The following RGS18 variants were observed in gnomAD, a reference collection of about 807,000 sequenced individuals.
The protein encoded by RGS18 is regulator of G protein signaling 18, also known as regulator of G-protein signaling 18.
A neutral mutation model predicts 27.6 loss-of-function variants in RGS18; 22 were observed. The ratio of observed to expected loss-of-function variants is 0.80; its 90% CI spans 0.57 to 1.14. The LOEUF (loss-of-function observed/expected upper bound fraction) is 1.14, where lower values mean the gene tolerates loss of function less well. RGS18 is among the 50% of genes most tolerant of loss of function. The pLI is 0.00. For missense variants in RGS18, 299 were observed against 269.6 expected, an observed-to-expected ratio of 1.11 and a Z score of -0.76; for synonymous variants, 89 against 84.6, an observed-to-expected ratio of 1.05 and a Z score of -0.29.
intron 2 of RGS18, 42 bp downstream of exon 2, chr1:192,159,363 C>A: frequency 7.5e-7 from 1 of 1,332,246 alleles, no homozygotes; most frequent in East Asian, 2.3e-5. Flanking sequence ...TTTGCTGATT[C>A]TATCATTAAA....
In RGS18 at chr1:192,184,853, G is replaced by A. The variant is rs1208703457; in HGVS notation, c.*299G>A. Reference sequence around the variant, plus strand: ...TATAAGATTGTAGAGTTAAGTAAAAGTTAAGCTTTTGCAAAGTTGTCAAAA... The same window carrying A: ...TATAAGATTGTAGAGTTAAGTAAAAATTAAGCTTTTGCAAAGTTGTCAAAA... On this transcript the variant is annotated 3_prime_UTR_variant, in exon 5 of 5. Coordinates refer to ENST00000367460, the MANE Select transcript of RGS18 (RefSeq NM_130782.3). The A allele has an allele frequency of 1.2e-5, 3 of 249,960 alleles. No homozygotes were observed. The highest frequency in any genetic ancestry group is 2.3e-5 in the African/African-American group (1 of 44,326). The allele number at this position is 249,960 out of a possible 1,614,324, so 15.5% of individuals were successfully genotyped here.
intron 3 of RGS18, among the ~76,000 whole-genome samples, chr1:192,175,772 T>C (rs938183597): frequency 2.0e-5 from 3 of 151,970 alleles, no homozygotes; most frequent in East Asian, 3.9e-4. Context: ...ATAAAGCAGA[T>C]TCACTCTGCA....
Position 192,184,940 on chromosome 1 carries a change from A to T in RGS18, c.*386A>T, listed in dbSNP as rs1023159515. On this transcript the variant is annotated 3_prime_UTR_variant, in exon 5 of 5. Transcript: ENST00000367460. Reference sequence around the variant, plus strand: ...GCAGCATAATATGTGTTATATAAACATAATAATACTCAGATATCCAAATGT... The same window carrying T: ...GCAGCATAATATGTGTTATATAAACTTAATAATACTCAGATATCCAAATGT... 5.4e-6 allele frequency: 1 copy of T among 186,548 alleles called. No individual in the cohort carries two copies. The highest frequency in any genetic ancestry group is 2.4e-5 in the African/African-American group (1 of 41,810). 11.6% of individuals were successfully genotyped at this position (186,548 alleles called of 1,614,324 possible).
At chr1:192,173,007 G>C (rs1157375592) in intron 3 of RGS18, among the ~76,000 whole-genome samples, 2 of 150,414 alleles carry the variant, frequency 1.3e-5, no homozygotes, top group African/African-American at 4.9e-5. Flanking sequence ...AATTAAATGA[G>C]GTAATGTATA....
At chr1:192,161,213 AT>A (rs1656066401) in intron 3 of RGS18, among the ~76,000 whole-genome samples, 2 of 152,184 alleles carry the variant, frequency 1.3e-5, no homozygotes, top group African/African-American at 4.8e-5. Context: ...TCAATTGTCT[AT>A]TTTTAAAGCA....
chr1:192,160,660 ATTAG>A (rs1385720192), intron 3 of RGS18: 10 of 466,720 alleles, frequency 2.1e-5, no homozygotes, highest in Non-Finnish European at 3.8e-5. Context: ...TGGATGAAAT[ATTAG>A]TTATTTATAC....
intron 3 of RGS18, 71 bp downstream of exon 3, chr1:192,160,510 C>A: frequency 1.8e-6 from 2 of 1,128,910 alleles, no homozygotes; most frequent in Non-Finnish European, 2.6e-6. Context: ...TGTAATTATC[C>A]GAAACAATAG....
chr1:192,161,653 C>T (rs759949459), intron 3 of RGS18, among the ~76,000 whole-genome samples: 24 of 152,052 alleles, frequency 1.6e-4, no homozygotes, highest in Non-Finnish European at 2.9e-4. Context: ...CATTTCCCAG[C>T]TCTTCCCAGA....
At position 192,184,866 on chromosome 1, in the gene RGS18, A is replaced by G. The variant is rs1022869746; in HGVS notation, c.*312A>G. On this transcript the variant is annotated 3_prime_UTR_variant, in exon 5 of 5. Coordinates refer to ENST00000367460, the MANE Select transcript of RGS18 (RefSeq NM_130782.3). ...AGTTAAGTAAAAGTTAAGCTTTTGC[A>G]AAGTTGTCAAAAGTTCAAACAAAAG... 1.8e-4 allele frequency: 41 copies of G among 230,350 alleles called. No individual in the cohort carries two copies. The highest frequency in any genetic ancestry group is 2.7e-4 in the Non-Finnish European group (32 of 117,366). 14.3% of individuals were successfully genotyped at this position (230,350 alleles called of 1,614,324 possible).
rs531705338 is a variant in RGS18, at chr1:192,174,570, T to G, written c.284-6722T>G. Among the ~76,000 whole-genome samples the G allele has an allele frequency of 7.3e-4, 111 of 152,058 alleles. 1 individual carries two copies. The South Asian group carries it at 0.017, about 23-fold the overall frequency. ...TTCTACTTCTGTTCTATGAGTTTGC[T>G]TCATGTATTTTGAAGCTCTAAATGA... On this transcript the variant is annotated intron_variant, in intron 3 of 4. Coordinates refer to ENST00000367460, the MANE Select transcript of RGS18 (RefSeq NM_130782.3).
chr1:192,168,907 A>C (rs971682146), intron 3 of RGS18: 1 of 152,138 alleles, frequency 6.6e-6, no homozygotes, highest in Non-Finnish European at 1.5e-5. Context: ...TATAAACATG[A>C]GTATAACAAG....
rs1656536783 is a variant in RGS18, at chr1:192,185,677, A to C, written c.*1123A>C. Reference sequence around the variant, plus strand: ...ATGGTCTGTAAATATTTGTATTTAAAAATGCCATGCATTAGGCTTTGGAAA... The same window carrying C: ...ATGGTCTGTAAATATTTGTATTTAACAATGCCATGCATTAGGCTTTGGAAA... On this transcript the variant is annotated 3_prime_UTR_variant, in exon 5 of 5. Transcript: ENST00000367460. 1 of 151,638 alleles carries C rather than the reference A, an allele frequency of 6.6e-6. No individual in the cohort carries two copies. Among genetic ancestry groups the C allele is most frequent in the South Asian group, 2.1e-4 (1 of 4,832 alleles). 9.4% of individuals were successfully genotyped at this position (151,638 alleles called of 1,614,324 possible). A position where few individuals can be genotyped will look rare whatever the true frequency, so the allele number is the denominator to read the frequency against.
chr1:192,159,720 C>A (rs542435461), intron 2 of RGS18, among the ~76,000 whole-genome samples: 21 of 152,110 alleles, frequency 1.4e-4, no homozygotes, highest in African/African-American at 4.8e-4. Context: ...CAAATAATGT[C>A]TTTTAATACT....
chr1:192,183,458 C>G (rs1182262333), intron 4 of RGS18, among the ~76,000 whole-genome samples: 1 of 151,558 alleles, frequency 6.6e-6, no homozygotes, highest in Non-Finnish European at 1.5e-5. Context: ...GGTTTAGTTA[C>G]CTATTTTGAA....
In RGS18 at chr1:192,185,811, C is replaced by T. The variant is rs950627091; in HGVS notation, c.*1257C>T. On this transcript the variant is annotated 3_prime_UTR_variant, in exon 5 of 5. Transcript: ENST00000367460. Reference sequence around the variant, plus strand: ...GTTTATCTGACAATAAAAGCTCTGACTGAATGTTGATTATCCTTCCTATTA... The same window carrying T: ...GTTTATCTGACAATAAAAGCTCTGATTGAATGTTGATTATCCTTCCTATTA... 1.3e-5 allele frequency: 2 copies of T among 151,534 alleles called. No homozygotes were observed. Among genetic ancestry groups the T allele is most frequent in the African/African-American group, 4.8e-5 (2 of 41,336 alleles). 9.4% of individuals were successfully genotyped at this position (151,534 alleles called of 1,614,324 possible).
intron 3 of RGS18, among the ~76,000 whole-genome samples, chr1:192,161,812 C>T (rs1363414417): frequency 6.6e-6 from 1 of 152,186 alleles, no homozygotes; most frequent in African/African-American, 2.4e-5. Flanking sequence ...CCCTCAAATA[C>T]TATGCTCCAT....
At chr1:192,161,205 A>C (rs563674252) in intron 3 of RGS18, among the ~76,000 whole-genome samples, 1 of 152,262 alleles carries the variant, frequency 6.6e-6, no homozygotes, top group South Asian at 2.1e-4. Context: ...ACTTCATATC[A>C]ATTGTCTATT....
At chr1:192,179,357 A>G (rs1656409828) in intron 3 of RGS18, among the ~76,000 whole-genome samples, 1 of 151,620 alleles carries the variant, frequency 6.6e-6, no homozygotes, top group Admixed American at 6.6e-5. Context: ...ATTCTGAGAA[A>G]GTTTATCTGA....
Position 192,181,427 on chromosome 1 carries a change from A to C in RGS18, c.419A>C (p.Glu140Ala). The C allele has an allele frequency of 6.3e-7, 1 of 1,581,076 alleles. No individual in the cohort carries two copies. The change falls in exon 4 of 5, where the codon GAG becomes GCG. Residue 140 changes from glutamate (E) to alanine (A), a missense_variant. Coordinates refer to ENST00000367460, the MANE Select transcript of RGS18 (RefSeq NM_130782.3). ...QIHLKAKAIY[E>A]KFIQTDAPKE... ...CACCTTAAAGCAAAAGCAATATATG[A>C]GAAATTTATACAGACTGATGCCCCA...
Sources: gnomAD v4.1 joint callset for allele counts (sites outside exome capture counted in the v4.1 genomes callset) on GRCh38, gnomAD v4.1.1 for gene constraint, MANE v1.5 for transcripts, NCBI Gene and HGNC (gene_info 2026-07-23, HGNC 2026-07-21) for gene names.